FGF12: variants seen among roughly 807,000 people sequenced by gnomAD.
FGF12 encodes the protein fibroblast growth factor 12B.
Under a neutral mutation model 23.6 loss-of-function variants are expected in FGF12, and 14 were observed. The ratio of observed to expected loss-of-function variants is 0.59; its 90% CI spans 0.39 to 0.93. The LOEUF is 0.93. Ranked by LOEUF, FGF12 falls within the 40% of genes least tolerant of loss-of-function variation. The probability of loss-of-function intolerance (pLI) is 0.00; values close to 1 mark genes in which losing one functional copy is unlikely to be tolerated. For missense variants in FGF12, 175 were observed against 217.8 expected, an observed-to-expected ratio of 0.80 and a Z score of 1.24; for synonymous variants, 62 against 77.3, an observed-to-expected ratio of 0.80 and a Z score of 1.04.
chr3:192,534,871 A>AT lies in FGF12; in HGVS notation c.14-174334dup, dbSNP rs149729740. Among the ~76,000 whole-genome samples the AT allele has an allele frequency of 4.2e-3, 635 of 152,234 alleles. 2 individuals are homozygous for AT. The highest frequency in any genetic ancestry group is 6.2e-3 in the Non-Finnish European group (419 of 68,000). On this transcript the variant is annotated intron_variant, in intron 2 of 5. Coordinates refer to ENST00000445105, the MANE Select transcript of FGF12 (RefSeq NM_004113.6). ...GATAACTATTTTTCTAATATTGGAGATTTGGAGACATTCCTCCAAATAGAA... is the reference window on the plus strand; with the variant it reads ...GATAACTATTTTTCTAATATTGGAGATTTTGGAGACATTCCTCCAAATAGAA...
At chr3:192,573,399 T>G (rs1036450768) in intron 2 of FGF12, among the ~76,000 whole-genome samples, 1 of 152,178 alleles carries the variant, frequency 6.6e-6, no homozygotes, top group Non-Finnish European at 1.5e-5. Context: ...GTAGAGTGAG[T>G]AAAGCAAATT....
intron 2 of FGF12, among the ~76,000 whole-genome samples, chr3:192,623,923 A>G (rs1715064296): frequency 6.6e-6 from 1 of 152,232 alleles, no homozygotes; most frequent in African/African-American, 2.4e-5. Flanking sequence ...TAATTAGTTT[A>G]TGGAGCCTCC....
chr3:192,711,862 T>G (rs1288298757), intron 2 of FGF12, among the ~76,000 whole-genome samples: 1 of 151,358 alleles, frequency 6.6e-6, no homozygotes, highest in African/African-American at 2.4e-5. Context: ...TGTTCACTTG[T>G]TTATCTGCTG....
chr3:192,442,808 C>CA (rs1722239037), intron 2 of FGF12, among the ~76,000 whole-genome samples: 1 of 139,752 alleles, frequency 7.2e-6, no homozygotes, highest in East Asian at 2.1e-4. Flanking sequence ...TGTATTCTAT[C>CA]TTTTTTTTTT....
At chr3:192,618,536 T>C (rs1158120906) in intron 2 of FGF12, among the ~76,000 whole-genome samples, 1 of 152,142 alleles carries the variant, frequency 6.6e-6, no homozygotes, top group African/African-American at 2.4e-5. Flanking sequence ...TGTATTAAAA[T>C]GGCAGCATAT....
chr3:192,394,119 C>G (rs1203925513), intron 2 of FGF12, among the ~76,000 whole-genome samples: 2 of 152,178 alleles, frequency 1.3e-5, no homozygotes, highest in Admixed American at 6.5e-5. Context: ...TGGTTCCTTT[C>G]CTGTCTGTTT....
At chr3:192,426,412 A>G (rs1407365605) in intron 2 of FGF12, among the ~76,000 whole-genome samples, 1 of 152,208 alleles carries the variant, frequency 6.6e-6, no homozygotes, top group African/African-American at 2.4e-5. Flanking sequence ...TACTCACCTA[A>G]AATTGAACAA....
chr3:192,231,304 A>G (rs1356892492), intron 4 of FGF12, among the ~76,000 whole-genome samples: 1 of 152,186 alleles, frequency 6.6e-6, no homozygotes, highest in Non-Finnish European at 1.5e-5. Flanking sequence ...TTACTAAGCT[A>G]AAATTTAAAA....
chr3:192,346,507 C>T (rs1212317332), intron 3 of FGF12, among the ~76,000 whole-genome samples: 2 of 152,126 alleles, frequency 1.3e-5, no homozygotes, highest in Non-Finnish European at 2.9e-5. Context: ...CTTCTAATCA[C>T]TTGGTAGTAC....
intron 2 of FGF12, among the ~76,000 whole-genome samples, chr3:192,460,680 A>T (rs1875458): frequency 0.013 from 1,669 of 128,480 alleles, 25 homozygotes; most frequent in East Asian, 0.069. Flanking sequence ...ACACACATAT[A>T]TTTATATATA....
intron 2 of FGF12, among the ~76,000 whole-genome samples, chr3:192,440,586 T>C (rs1722174644): frequency 6.6e-6 from 1 of 152,230 alleles, no homozygotes; most frequent in African/African-American, 2.4e-5. Context: ...GCTTCACGAT[T>C]TTCCTTCACT....
intron 2 of FGF12, among the ~76,000 whole-genome samples, chr3:192,403,414 A>T (rs959972199): frequency 1.8e-4 from 27 of 152,236 alleles, no homozygotes; most frequent in African/African-American, 6.3e-4. Flanking sequence ...CTGCTATTTT[A>T]AAATGTTCCT....
chr3:192,251,788 A>G (rs912308991), intron 4 of FGF12, among the ~76,000 whole-genome samples: 3 of 151,304 alleles, frequency 2.0e-5, no homozygotes, highest in Non-Finnish European at 4.4e-5. Flanking sequence ...TCAAAAACAG[A>G]AAAAAAAATA....
intron 2 of FGF12, among the ~76,000 whole-genome samples, chr3:192,570,652 A>G (rs1010182256): frequency 6.6e-6 from 1 of 152,118 alleles, no homozygotes; most frequent in Non-Finnish European, 1.5e-5. Context: ...TCATAGCACC[A>G]TATTGTCTAC....
chr3:192,556,841 C>G (rs115135761), intron 2 of FGF12, among the ~76,000 whole-genome samples: 1 of 151,934 alleles, frequency 6.6e-6, no homozygotes, highest in Non-Finnish European at 1.5e-5. Context: ...TAAAATTATA[C>G]GAAGTATCTT....
At chr3:192,231,286 C>CT (rs140399233) in intron 4 of FGF12, among the ~76,000 whole-genome samples, 62 of 151,196 alleles carry the variant, frequency 4.1e-4, no homozygotes, top group Non-Finnish European at 5.6e-4. Context: ...ACAGGCCCCC[C>CT]TTTTTTTTTA....
In FGF12 at chr3:192,170,666, A is replaced by G. The variant is rs756950393; in HGVS notation, c.229-10T>C. Reference sequence around the variant, plus strand: ...CTGGAGTGAAAACATCCTGTAGGAAAAAAAAAAAAAGACACAAAAAAGAGA... The same window carrying G: ...CTGGAGTGAAAACATCCTGTAGGAAGAAAAAAAAAAGACACAAAAAAGAGA... On this transcript the variant is annotated splice_polypyrimidine_tract_variant and intron_variant, in intron 4 of 5. Coordinates refer to ENST00000445105, the MANE Select transcript of FGF12 (RefSeq NM_004113.6). 3.5e-4 allele frequency: 463 copies of G among 1,326,676 alleles called. 1 individual carries two copies. The highest frequency in any genetic ancestry group is 7.5e-4 in the Admixed American group (29 of 38,442). The allele number at this position is 1,326,676 out of a possible 1,614,324, so 82.2% of individuals were successfully genotyped here.
At chr3:192,400,198 G>A (rs1720699239) in intron 2 of FGF12, among the ~76,000 whole-genome samples, 1 of 152,060 alleles carries the variant, frequency 6.6e-6, no homozygotes, top group Admixed American at 6.5e-5. Flanking sequence ...CTAACAATAG[G>A]CAGAAAAATA....
chr3:192,372,417 A>ACACT (rs905691217), intron 2 of FGF12, among the ~76,000 whole-genome samples: 2 of 149,832 alleles, frequency 1.3e-5, no homozygotes, highest in African/African-American at 5.0e-5. Flanking sequence ...ACACACACAC[A>ACACT]CACAATGCTT....
Sources: gnomAD v4.1 joint callset for allele counts (sites outside exome capture counted in the v4.1 genomes callset) on GRCh38, gnomAD v4.1.1 for gene constraint, MANE v1.5 for transcripts, NCBI Gene and HGNC (gene_info 2026-07-23, HGNC 2026-07-21) for gene names.